The following METTL16 variants were observed in gnomAD, a reference collection of about 807,000 sequenced individuals.
The protein encoded by METTL16 is RNA N(6)-adenosine-methyltransferase METTL16.
Under a neutral mutation model 57.9 loss-of-function variants are expected in METTL16, and 19 were observed. The observed-to-expected ratio is 0.33, with a 90% confidence interval of 0.23 to 0.48. The LOEUF (loss-of-function observed/expected upper bound fraction) is 0.48. Among genes scored for constraint, METTL16 ranks in the 20% least tolerant of loss-of-function variants. The pLI is 0.99. For synonymous variants in METTL16, 246 were observed against 255.6 expected, an observed-to-expected ratio of 0.96 and a Z score of 0.36; for missense variants, 434 against 691.5, an observed-to-expected ratio of 0.63 and a Z score of 4.18.
In METTL16 at chr17:2,486,937, G is replaced by A. The variant is rs191353260; in HGVS notation, c.129-9052C>T. ...GAGGATCACTTGAGCCTGGGAGGTG[G>A]AGGCTGCAGTGAGCCGAAATTGTAC... On this transcript the variant is annotated intron_variant, in intron 2 of 9. Coordinates refer to ENST00000263092, the MANE Select transcript of METTL16 (RefSeq NM_024086.4). 1.4e-3 allele frequency among the ~76,000 whole-genome samples: 197 copies of A among 144,676 alleles called. 3 individuals are homozygous for A. The highest frequency in any genetic ancestry group is 4.6e-4 in the Non-Finnish European group (31 of 66,668). 94.9% of individuals were successfully genotyped at this position (144,676 alleles called of 152,430 possible).
chr17:2,499,556 A>T (rs1316624354), intron 2 of METTL16, among the ~76,000 whole-genome samples: 3 of 152,136 alleles, frequency 2.0e-5, no homozygotes, highest in Non-Finnish European at 2.9e-5. Context: ...GAGATGTTAT[A>T]AACAGAGAAA....
intron 8 of METTL16, chr17:2,436,787 A>G (rs1161818834): frequency 8.8e-6 from 1 of 113,572 alleles, no homozygotes; most frequent in Non-Finnish European, 1.7e-5. Context: ...CACTGCCCGG[A>G]AAATCATTCA....
intron 6 of METTL16, among the ~76,000 whole-genome samples, chr17:2,461,955 G>C (rs1048130977): frequency 1.3e-5 from 2 of 152,012 alleles, no homozygotes; most frequent in African/African-American, 4.8e-5. Flanking sequence ...ATACCGTATA[G>C]GAAAAAAATC....
Position 2,420,302 on chromosome 17 carries a change from A to T in METTL16, c.1357T>A (p.Ser453Thr), listed in dbSNP as rs754966986. The T allele has an allele frequency of 6.2e-7, 1 of 1,612,448 alleles. No individual in the cohort carries two copies. Among genetic ancestry groups the T allele is most frequent in the South Asian group, 1.1e-5 (1 of 91,066 alleles). Residue 453 changes from serine to threonine, a missense_variant, in exon 10 of 10, where the codon TCC becomes ACC. Ser to Thr is a moderately conservative substitution (Grantham distance 58, BLOSUM62 1). Around this residue, in one of 5 missense-constraint regions of METTL16, gnomAD observed 168 missense variants for 149.6 expected, o/e 1.12. Coordinates refer to ENST00000263092, the MANE Select transcript of METTL16 (RefSeq NM_024086.4). The surrounding 1 kb of genome is among the most constrained non-coding windows in gnomAD (Gnocchi z 5.4). ...AVEGPCPSQE[S>T]LSQEENPEPT... Reference sequence around the variant, plus strand: ...TCCGGGTTTTCCTCCTGGGACAGGGACTCCTGGCTCGGGCACGGGCCCTCC... The same window carrying T: ...TCCGGGTTTTCCTCCTGGGACAGGGTCTCCTGGCTCGGGCACGGGCCCTCC...
chr17:2,435,604 T>C (rs1374577526), intron 8 of METTL16, among the ~76,000 whole-genome samples: 1 of 152,148 alleles, frequency 6.6e-6, no homozygotes, highest in Non-Finnish European at 1.5e-5. Flanking sequence ...TTTTTTCCTG[T>C]AGCGGCTGAA....
At chr17:2,423,701 T>C (rs894644124) in intron 8 of METTL16, among the ~76,000 whole-genome samples, 2 of 152,088 alleles carry the variant, frequency 1.3e-5, no homozygotes, top group African/African-American at 2.4e-5. Flanking sequence ...AGGGCAGCAC[T>C]TCCCATCTCT....
chr17:2,446,673 G>A (rs550167234), intron 6 of METTL16, among the ~76,000 whole-genome samples: 198 of 151,412 alleles, frequency 1.3e-3, no homozygotes, highest in Non-Finnish European at 2.2e-3. Context: ...AAGGCTGGAC[G>A]GTGCTGCTGC....
Position 2,420,960 on chromosome 17 carries a change from T to C in METTL16, c.889-56A>G. 6.4e-7 allele frequency: 1 copy of C among 1,572,540 alleles called. No homozygotes were observed. Among genetic ancestry groups the C allele is most frequent in the Non-Finnish European group, 8.7e-7 (1 of 1,155,028 alleles). The stretch of plus-strand genomic sequence containing the variant: ...AGAAAGTTATCCGAATAATTAAACC[T>C]CATGCATTGTAATGAACTCAGAGAA... On this transcript the variant is annotated intron_variant, in intron 8 of 9. Coordinates refer to ENST00000263092, the MANE Select transcript of METTL16 (RefSeq NM_024086.4). The surrounding 1 kb of genome is among the most constrained non-coding windows in gnomAD (Gnocchi z 5.4).
At chr17:2,465,779 T>G (rs147399689) in intron 5 of METTL16, among the ~76,000 whole-genome samples, 2,182 of 151,530 alleles carry the variant, frequency 0.014, 54 homozygotes, top group African/African-American at 0.049. Context: ...GGCATGAGAA[T>G]CACTTGAACC....
At position 2,420,659 on chromosome 17, in the gene METTL16, T is replaced by C; in HGVS notation, c.1063-63A>G. ...GTTTCCCCTCTCTCCAAACTCTCAA[T>C]AAAAAAAAAAAGAAAAAAGAAAAAA... On this transcript the variant is annotated intron_variant, in intron 9 of 9. Transcript: ENST00000263092. The surrounding 1 kb of genome is among the most constrained non-coding windows in gnomAD (Gnocchi z 5.4). 1 of 1,270,552 alleles carries C rather than the reference T, an allele frequency of 7.9e-7. No homozygotes were observed. The allele number at this position is 1,270,552 out of a possible 1,614,324, so 78.7% of individuals were successfully genotyped here. A position where few individuals can be genotyped will look rare whatever the true frequency, so the allele number is the denominator to read the frequency against.
intron 8 of METTL16, among the ~76,000 whole-genome samples, chr17:2,422,112 G>A (rs561413413): frequency 1.3e-5 from 2 of 152,182 alleles, no homozygotes; most frequent in African/African-American, 4.8e-5. Flanking sequence ...AGGAGTTCAA[G>A]ACCATCCTGG....
intron 2 of METTL16, among the ~76,000 whole-genome samples, chr17:2,495,827 G>A (rs567097586): frequency 6.6e-6 from 1 of 151,528 alleles, no homozygotes; most frequent in Non-Finnish European, 1.5e-5. Flanking sequence ...AGTGAAGACC[G>A]GCCGGGCGCG....
rs140380037 is a variant in METTL16 at position 2,489,461 on chromosome 17, C to A, written c.129-11576G>T. ...CCTGACGTCAGGAGTTTGAGAGCAG[C>A]CTGGCCAACACGGTGAAACCCCGTC... On this transcript the variant is annotated intron_variant, in intron 2 of 9. Transcript: ENST00000263092. 5.9e-3 allele frequency among the ~76,000 whole-genome samples: 894 copies of A among 152,144 alleles called. 10 individuals are homozygous for A. Among genetic ancestry groups the A allele is most frequent in the African/African-American group, 0.02 (850 of 41,512 alleles).
intron 4 of METTL16, among the ~76,000 whole-genome samples, chr17:2,471,885 A>G (rs2067237656): frequency 6.6e-6 from 1 of 152,126 alleles, no homozygotes; most frequent in Non-Finnish European, 1.5e-5. Flanking sequence ...AGGTCCAGAC[A>G]AGAGAATCAC....
intron 2 of METTL16, among the ~76,000 whole-genome samples, chr17:2,498,185 C>T (rs2067460501): frequency 6.9e-6 from 1 of 144,022 alleles, no homozygotes; most frequent in African/African-American, 2.6e-5. Flanking sequence ...CAGAGTAAGA[C>T]TCCATCTCAA....
intron 5 of METTL16, among the ~76,000 whole-genome samples, chr17:2,465,404 G>A (rs573796483): frequency 6.6e-6 from 1 of 151,962 alleles, no homozygotes; most frequent in Non-Finnish European, 1.5e-5. Context: ...AAAATTAGCT[G>A]GGCGTGGTGG....
chr17:2,459,583 A>C (rs2067134713), intron 6 of METTL16, among the ~76,000 whole-genome samples: 1 of 152,234 alleles, frequency 6.6e-6, no homozygotes, highest in Non-Finnish European at 1.5e-5. Flanking sequence ...GATAAGAAAC[A>C]GATGGTAGGG....
At chr17:2,478,334 C>A (rs530784617) in intron 2 of METTL16, among the ~76,000 whole-genome samples, 5 of 152,264 alleles carry the variant, frequency 3.3e-5, no homozygotes, top group African/African-American at 1.2e-4. Flanking sequence ...TTTACTCTTA[C>A]CATTAACATC....
At chr17:2,499,521 A>T (rs938553968) in intron 2 of METTL16, among the ~76,000 whole-genome samples, 10 of 152,174 alleles carry the variant, frequency 6.6e-5, no homozygotes, top group African/African-American at 2.4e-4. Context: ...TATCACTATG[A>T]AACAATGACT....
Sources: allele counts gnomAD v4.1 joint callset (sites outside exome capture counted in the v4.1 genomes callset), GRCh38; gene constraint gnomAD v4.1.1; regional missense constraint gnomAD v4.1.1; non-coding constraint Gnocchi (gnomAD v3.1); transcripts MANE v1.5; gene names NCBI Gene and HGNC (gene_info 2026-07-23, HGNC 2026-07-21).